Variants in ANO2 observed in about 807,000 individuals in gnomAD.
ANO2 encodes the protein anoctamin-2.
ANO2 carries 101 observed loss-of-function variants against 124.2 expected under a neutral mutation model. The observed-to-expected ratio is 0.81, with a 90% CI of 0.69 to 0.96. The LOEUF is 0.96. Among genes scored for constraint, ANO2 ranks in the 40% least tolerant of loss-of-function variants. The pLI is 0.00. For synonymous variants in ANO2, 486 were observed against 482.5 expected, an observed-to-expected ratio of 1.01 and a Z score of -0.09; for missense variants, 1,293 against 1,274.5, an observed-to-expected ratio of 1.01 and a Z score of -0.22.
At chr12:5,775,327 C>T (rs1427914256) in intron 10 of ANO2, among the ~76,000 whole-genome samples, 1 of 152,054 alleles carries the variant, frequency 6.6e-6, no homozygotes, top group East Asian at 1.9e-4. Flanking sequence ...GAACAATCTC[C>T]ATTGTCTCAT....
At chr12:5,849,293 T>C (rs1218672711) in intron 4 of ANO2, among the ~76,000 whole-genome samples, 1 of 152,216 alleles carries the variant, frequency 6.6e-6, no homozygotes, top group Admixed American at 6.5e-5. Flanking sequence ...TCGTCCCTAA[T>C]AGCCTGCATC....
At chr12:5,830,880 A>G (rs1304255952) in intron 5 of ANO2, among the ~76,000 whole-genome samples, 2 of 152,204 alleles carry the variant, frequency 1.3e-5, no homozygotes, top group Non-Finnish European at 2.9e-5. Context: ...ATATGATGAT[A>G]AGGTTCCAAA....
Position 5,871,779 on chromosome 12 carries a change from C to T in ANO2, c.535-17638G>A, listed in dbSNP as rs141178659. On this transcript the variant is annotated intron_variant, in intron 3 of 24. Coordinates refer to ENST00000682330, the MANE Select transcript of ANO2 (RefSeq NM_001364791.2). The stretch of plus-strand genomic sequence containing the variant: ...AAACGGTTTGATGGGATAAGCAAAA[C>T]CAATGGATACAAACTCTGCTGTTTT... Among the ~76,000 whole-genome samples, 405 of 152,266 alleles carry T rather than the reference C, an allele frequency of 2.7e-3. 1 individual carries two copies. Among genetic ancestry groups the T allele is most frequent in the African/African-American group, 9.5e-3 (396 of 41,548 alleles).
chr12:5,882,692 C>G (rs1360766040), intron 3 of ANO2, among the ~76,000 whole-genome samples: 1 of 152,136 alleles, frequency 6.6e-6, no homozygotes, highest in African/African-American at 2.4e-5. Context: ...TAGGAGGGAG[C>G]AAAAGGAATG....
intron 9 of ANO2, among the ~76,000 whole-genome samples, chr12:5,805,824 T>C (rs181052141): frequency 1.4e-3 from 209 of 152,246 alleles, no homozygotes; most frequent in Middle Eastern, 0.01. Flanking sequence ...TGGAGGGCCA[T>C]TGGATATATT....
At chr12:5,864,406 A>G (rs1263956686) in intron 3 of ANO2, among the ~76,000 whole-genome samples, 1 of 152,256 alleles carries the variant, frequency 6.6e-6, no homozygotes, top group African/African-American at 2.4e-5. Context: ...TCCAGCACAC[A>G]GAACCAGCCC....
At chr12:5,645,617 T>G (rs879045432) in intron 15 of ANO2, among the ~76,000 whole-genome samples, 1 of 152,246 alleles carries the variant, frequency 6.6e-6, no homozygotes, top group Non-Finnish European at 1.5e-5. Context: ...TGTATATTTT[T>G]AAGGTTGCTG....
chr12:5,758,516 G>A (rs982858298), intron 10 of ANO2, among the ~76,000 whole-genome samples: 1 of 152,148 alleles, frequency 6.6e-6, no homozygotes, highest in Non-Finnish European at 1.5e-5. Context: ...GAGCGGGAGG[G>A]GCATGGAGAA....
intron 14 of ANO2, among the ~76,000 whole-genome samples, chr12:5,673,826 C>T (rs1177318079): frequency 1.3e-5 from 2 of 152,146 alleles, no homozygotes; most frequent in East Asian, 1.9e-4. Flanking sequence ...TTTAGGGGAT[C>T]GCATGGGTCC....
chr12:5,628,674 G>A (rs910625050), intron 16 of ANO2, among the ~76,000 whole-genome samples: 2 of 151,398 alleles, frequency 1.3e-5, no homozygotes, highest in Admixed American at 1.3e-4. Flanking sequence ...GAGAGTGTGT[G>A]TGTGTGTGTG....
At chr12:5,792,002 T>C (rs1416865996) in intron 10 of ANO2, among the ~76,000 whole-genome samples, 1 of 152,196 alleles carries the variant, frequency 6.6e-6, no homozygotes, top group Non-Finnish European at 1.5e-5. Flanking sequence ...TAAATACATT[T>C]ATTTGTATTT....
chr12:5,809,110 G>C (rs779746037), intron 7 of ANO2, among the ~76,000 whole-genome samples: 6 of 152,192 alleles, frequency 3.9e-5, no homozygotes, highest in Non-Finnish European at 7.3e-5. Context: ...TGTGGGGTGA[G>C]AGGAGCAGAG....
At position 5,900,674 on chromosome 12, in the gene ANO2, C is replaced by T. The variant is rs1255692184; in HGVS notation, c.534+20366G>A. 2.6e-5 allele frequency among the ~76,000 whole-genome samples: 4 copies of T among 152,306 alleles called. No homozygotes were observed. The East Asian group carries it at 5.8e-4, about 22-fold the overall frequency. Reference sequence around the variant, plus strand: ...ACGTGTGGTCCCTGCCATCCTGGCACAGCCTGACCACAATCCCCTTCCCCA... The same window carrying T: ...ACGTGTGGTCCCTGCCATCCTGGCATAGCCTGACCACAATCCCCTTCCCCA... On this transcript the variant is annotated intron_variant, in intron 3 of 24. Coordinates refer to ENST00000682330, the MANE Select transcript of ANO2 (RefSeq NM_001364791.2). The surrounding 1 kb of genome is among the most constrained non-coding windows in gnomAD (Gnocchi z 4.2).
At chr12:5,727,634 CCTTTT>C (rs1950491316) in intron 14 of ANO2, among the ~76,000 whole-genome samples, 2 of 133,736 alleles carry the variant, frequency 1.5e-5, no homozygotes, top group Admixed American at 7.9e-5. Context: ...CTCACCACTT[CCTTTT>C]TTTTTTTTTT....
chr12:5,941,556 G>GA (rs1158132876), intron 1 of ANO2, among the ~76,000 whole-genome samples: 2 of 148,710 alleles, frequency 1.3e-5, no homozygotes, highest in Admixed American at 1.3e-4. Flanking sequence ...AGTTGAAGAA[G>GA]AAAAAAAATA....
At chr12:5,678,601 G>A (rs1417797563) in intron 14 of ANO2, among the ~76,000 whole-genome samples, 2 of 152,228 alleles carry the variant, frequency 1.3e-5, no homozygotes, top group Non-Finnish European at 2.9e-5. Flanking sequence ...GGGACTGAAT[G>A]CTGTCTTCTG....
At chr12:5,809,558 C>T (rs182211861) in intron 7 of ANO2, among the ~76,000 whole-genome samples, 20 of 152,174 alleles carry the variant, frequency 1.3e-4, no homozygotes, top group African/African-American at 3.4e-4. Flanking sequence ...GGACTTTGCA[C>T]GGTAGCCGAG....
chr12:5,693,252 A>C (rs1949021296), intron 14 of ANO2, among the ~76,000 whole-genome samples: 1 of 152,176 alleles, frequency 6.6e-6, no homozygotes, highest in Non-Finnish European at 1.5e-5. Flanking sequence ...CAAATGTCAC[A>C]TGTTCATAAG....
At chr12:5,780,401 A>C (rs1952354158) in intron 10 of ANO2, among the ~76,000 whole-genome samples, 1 of 152,232 alleles carries the variant, frequency 6.6e-6, no homozygotes, top group Admixed American at 6.5e-5. Flanking sequence ...AAAAGTAAAA[A>C]AACAAATAAA....
Sources: gnomAD v4.1 joint callset for allele counts (sites outside exome capture counted in the v4.1 genomes callset) on GRCh38, gnomAD v4.1.1 for gene constraint, Gnocchi (gnomAD v3.1) non-coding constraint, MANE v1.5 for transcripts, NCBI Gene and HGNC (gene_info 2026-07-23, HGNC 2026-07-21) for gene names.